The following TSPEAR variants were observed in gnomAD, a reference collection of about 807,000 sequenced individuals.
TSPEAR encodes the protein thrombospondin type laminin G domain and EAR repeats.
TSPEAR carries 69 observed loss-of-function variants against 71.6 expected under a neutral mutation model. The observed-to-expected ratio is 0.96, with a 90% CI of 0.79 to 1.18. TSPEAR has a LOEUF of 1.18. TSPEAR is among the 50% of genes most tolerant of loss of function. The pLI is 0.00. For synonymous variants in TSPEAR, 402 were observed against 387.2 expected (o/e 1.04, Z -0.45); for missense variants, 971 against 894.9 (o/e 1.09, Z -1.09).
At chr21:44,636,245 G>A (rs1284835877) in intron 1 of TSPEAR, among the ~76,000 whole-genome samples, 1 of 152,226 alleles carries the variant, frequency 6.6e-6, no homozygotes, top group Non-Finnish European at 1.5e-5. Context: ...GGGTTTCCAG[G>A]GGACATACGT....
At chr21:44,704,734 G>A (rs1555952042) in intron 1 of TSPEAR, among the ~76,000 whole-genome samples, 1 of 152,156 alleles carries the variant, frequency 6.6e-6, no homozygotes, top group African/African-American at 2.4e-5. Flanking sequence ...ACAGTGGCAG[G>A]TGCTGCCCAC....
chr21:44,672,284 A>G (rs1371493755), intron 1 of TSPEAR, among the ~76,000 whole-genome samples: 2 of 152,252 alleles, frequency 1.3e-5, no homozygotes, highest in African/African-American at 4.8e-5. Context: ...CTATTTAGCA[A>G]AATAGGCCAG....
intron 1 of TSPEAR, among the ~76,000 whole-genome samples, chr21:44,604,127 T>C (rs1555929436): frequency 6.6e-6 from 1 of 152,228 alleles, no homozygotes; most frequent in African/African-American, 2.4e-5. Flanking sequence ...GCTGCCTCTC[T>C]TCCTTGCCGG....
At chr21:44,624,689 G>GT (rs1393864605) in intron 1 of TSPEAR, among the ~76,000 whole-genome samples, 2 of 152,100 alleles carry the variant, frequency 1.3e-5, no homozygotes, top group Admixed American at 6.5e-5. Flanking sequence ...TGTTGTTGTT[G>GT]TTTTACCAGA....
At chr21:44,512,061 A>T (rs1313651122) in intron 9 of TSPEAR, among the ~76,000 whole-genome samples, 2 of 152,224 alleles carry the variant, frequency 1.3e-5, no homozygotes, top group East Asian at 3.8e-4. Flanking sequence ...AGTTGGCAGC[A>T]GGAAGCAGGG....
chr21:44,552,978 G>C (rs986737965), intron 2 of TSPEAR, among the ~76,000 whole-genome samples: 1 of 152,200 alleles, frequency 6.6e-6, no homozygotes, highest in Non-Finnish European at 1.5e-5. Flanking sequence ...CCGAGGCAGC[G>C]GCGTTCCCTA....
In TSPEAR at chr21:44,540,513, G is replaced by A. The variant is rs587594859; in HGVS notation, c.304-6590C>T. Among the ~76,000 whole-genome samples, 3 of 152,312 alleles carry A rather than the reference G, an allele frequency of 2.0e-5. No homozygotes were observed. In the South Asian group the frequency reaches 6.2e-4, roughly 32 times the overall value. Reference sequence around the variant, plus strand: ...TAAGAAGGGGGCTGCGGAGGCAGGGGTGGCCCTTCAGCCTTATGCAAAGTG... The same window carrying A: ...TAAGAAGGGGGCTGCGGAGGCAGGGATGGCCCTTCAGCCTTATGCAAAGTG... On this transcript the variant is annotated intron_variant, in intron 2 of 11. Coordinates refer to ENST00000323084, the MANE Select transcript of TSPEAR (RefSeq NM_144991.3).
rs73910016 is a variant in TSPEAR, at chr21:44,518,336, C to T, written c.1566+3547G>A. 4.4e-3 allele frequency: 2,024 copies of T among 464,332 alleles called. 33 individuals are homozygous for T. Among genetic ancestry groups the T allele is most frequent in the African/African-American group, 0.036 (1,763 of 49,632 alleles). 28.8% of individuals were successfully genotyped at this position (464,332 alleles called of 1,614,324 possible). A position where few individuals can be genotyped will look rare whatever the true frequency, so the allele number is the denominator to read the frequency against. The stretch of plus-strand genomic sequence containing the variant: ...TGGGTGACACGCAGCTGGCCAGGTA[C>T]GCTCTGGGGCACTGGGGCATCTTGA... On this transcript the variant is annotated intron_variant, in intron 9 of 11. Transcript: ENST00000323084.
At chr21:44,686,537 C>A in intron 1 of TSPEAR, 2 of 153,592 alleles carry the variant, frequency 1.3e-5, no homozygotes, top group South Asian at 3.9e-4. Context: ...ATGCTCAGGT[C>A]GGGCCTGTGT....
At chr21:44,563,448 A>G (rs1483876852) in intron 2 of TSPEAR, among the ~76,000 whole-genome samples, 3 of 152,184 alleles carry the variant, frequency 2.0e-5, no homozygotes, top group Non-Finnish European at 4.4e-5. Flanking sequence ...AAATAAGTAT[A>G]TGGTAAACCC....
chr21:44,606,253 C>G (rs1364322291), intron 1 of TSPEAR, among the ~76,000 whole-genome samples: 1 of 150,148 alleles, frequency 6.7e-6, no homozygotes, highest in Non-Finnish European at 1.5e-5. Flanking sequence ...TTTAAATGGA[C>G]AGCAGGTATA....
intron 1 of TSPEAR, chr21:44,697,507 G>A: frequency 1.9e-6 from 3 of 1,613,474 alleles, no homozygotes; most frequent in Non-Finnish European, 2.5e-6. Context: ...CCTGCCAGCA[G>A]GCCTGCTGCG....
intron 1 of TSPEAR, chr21:44,591,733 C>A (rs1979873256): frequency 6.3e-7 from 1 of 1,596,082 alleles, no homozygotes; most frequent in African/African-American, 1.4e-5. Context: ...AGACTGCTGG[C>A]AGCATGAAGA....
intron 1 of TSPEAR, chr21:44,647,215 G>C: frequency 5.6e-6 from 9 of 1,613,136 alleles, no homozygotes; most frequent in Non-Finnish European, 7.6e-6. Flanking sequence ...CTGTGTGCCC[G>C]TCTCCTCCTG....
chr21:44,540,774 G>A (rs1357529373), intron 2 of TSPEAR, among the ~76,000 whole-genome samples: 2 of 152,198 alleles, frequency 1.3e-5, no homozygotes, highest in African/African-American at 4.8e-5. Context: ...GAGCAAGGAA[G>A]GAGAGGCCAT....
At chr21:44,669,846 T>G (rs935404236) in intron 1 of TSPEAR, among the ~76,000 whole-genome samples, 1 of 152,170 alleles carries the variant, frequency 6.6e-6, no homozygotes, top group Non-Finnish European at 1.5e-5. Flanking sequence ...TTTGCAAATG[T>G]TTATATCAGC....
intron 1 of TSPEAR, chr21:44,686,455 C>A (rs1459671386): frequency 1.9e-5 from 3 of 155,164 alleles, no homozygotes; most frequent in South Asian, 1.9e-4. Flanking sequence ...CCCGCCCTGC[C>A]CCCCGCACCG....
At position 44,506,224 on chromosome 21, in the gene TSPEAR, G is replaced by A. The variant is rs145683564; in HGVS notation, c.1755-1343C>T. On this transcript the variant is annotated intron_variant, in intron 10 of 11. Transcript: ENST00000323084. The surrounding 1 kb of genome is among the most constrained non-coding windows in gnomAD (Gnocchi z 4.2). ...ATGCATCTGTGCTTGGGGATGGCTC[G>A]GTTTGAGGGGTCTGAGGAGCGGCTC... 4.5e-4 allele frequency among the ~76,000 whole-genome samples: 68 copies of A among 152,340 alleles called. No homozygotes were observed. The East Asian group carries it at 0.011, about 24-fold the overall frequency.
At chr21:44,528,695 G>T in intron 5 of TSPEAR, 112 bp from the exon 6 acceptor site, 1 of 1,373,074 alleles carries the variant, frequency 7.3e-7, no homozygotes, top group Non-Finnish European at 9.8e-7. Flanking sequence ...CTGCATGCGG[G>T]CCTGGAAGGG....
Sources: gnomAD v4.1 joint callset for allele counts (sites outside exome capture counted in the v4.1 genomes callset) on GRCh38, gnomAD v4.1.1 for gene constraint, Gnocchi (gnomAD v3.1) non-coding constraint, MANE v1.5 for transcripts, NCBI Gene and HGNC (gene_info 2026-07-23, HGNC 2026-07-21) for gene names.